Variants in RIOX2 observed in about 807,000 individuals in gnomAD.
The protein encoded by RIOX2 is 60S ribosomal protein L27a histidine hydroxylase.
RIOX2 carries 43 observed loss-of-function variants against 51.2 expected under a neutral mutation model. That is an observed-to-expected ratio of 0.84 (90% CI 0.66 to 1.08). RIOX2 has a LOEUF of 1.08. Among genes scored for constraint, RIOX2 ranks in the 50% least tolerant of loss-of-function variants. RIOX2 has a pLI of 0.00. For synonymous variants in RIOX2, 226 were observed against 218.5 expected, an observed-to-expected ratio of 1.03 and a Z score of -0.30; for missense variants, 566 against 561.7, an observed-to-expected ratio of 1.01 and a Z score of -0.08.
intron 8 of RIOX2, among the ~76,000 whole-genome samples, chr3:97,946,469 C>G (rs1275906138): frequency 2.6e-5 from 4 of 151,414 alleles, no homozygotes; most frequent in Non-Finnish European, 5.9e-5. Flanking sequence ...TTCTTTGTCA[C>G]CTCTTAGATA....
In RIOX2 at chr3:97,944,381, A is replaced by AAATT. The variant is rs905845814; in HGVS notation, c.*799_*802dup. The AAATT allele has an allele frequency of 2.7e-4, 41 of 152,450 alleles. No homozygotes were observed. Among genetic ancestry groups the AAATT allele is most frequent in the African/African-American group, 9.9e-4 (41 of 41,512 alleles). 9.4% of individuals were successfully genotyped at this position (152,450 alleles called of 1,614,324 possible). A position where few individuals can be genotyped will look rare whatever the true frequency, so the allele number is the denominator to read the frequency against. On this transcript the variant is annotated 3_prime_UTR_variant, in exon 10 of 10. Coordinates refer to ENST00000394198, the MANE Select transcript of RIOX2 (RefSeq NM_153182.4). ...ATGTTTTCCTGGTGAATTGGACTGA[A>AAATT]AATTACATTTTGACAACTTTTTTTC...
At chr3:97,946,651 C>T (rs1321872965) in intron 8 of RIOX2, among the ~76,000 whole-genome samples, 3 of 146,894 alleles carry the variant, frequency 2.0e-5, no homozygotes, top group African/African-American at 5.2e-5. Flanking sequence ...CTGGCCCTGA[C>T]GGCTGGAACA....
At position 97,945,153 on chromosome 3, in the gene RIOX2, A is replaced by G. The variant is rs769746458; in HGVS notation, c.*31T>C. On this transcript the variant is annotated 3_prime_UTR_variant, in exon 10 of 10. Transcript: ENST00000394198. ...TGCTTTTCTTTTAATATATGCATATAAAATAGTAGGCATTTGATTCTGCAA... is the reference window on the plus strand; with the variant it reads ...TGCTTTTCTTTTAATATATGCATATGAAATAGTAGGCATTTGATTCTGCAA... 1.9e-6 allele frequency: 3 copies of G among 1,574,100 alleles called. No homozygotes were observed. The highest frequency in any genetic ancestry group is 3.9e-5 in the Admixed American group (2 of 51,606).
chr3:97,953,407 G>T (rs1576000866), intron 5 of RIOX2, among the ~76,000 whole-genome samples: 2 of 151,704 alleles, frequency 1.3e-5, no homozygotes, highest in African/African-American at 4.8e-5. Context: ...CTGAGACAGG[G>T]TCTCGCTCTG....
At chr3:97,961,467 A>G (rs1230929474) in intron 3 of RIOX2, 122 bp downstream of exon 3, 2 of 1,059,042 alleles carry the variant, frequency 1.9e-6, no homozygotes, top group East Asian at 5.5e-5. Flanking sequence ...AACTGCACAG[A>G]AAGAGCGAAT....
At chr3:97,951,540 G>A (rs1705250498) in intron 5 of RIOX2, among the ~76,000 whole-genome samples, 1 of 152,154 alleles carries the variant, frequency 6.6e-6, no homozygotes, top group African/African-American at 2.4e-5. Context: ...TGGGGTATCT[G>A]GAATTGGCTC....
Position 97,942,309 on chromosome 3 carries a change from T to C in RIOX2, c.*2875A>G, listed in dbSNP as rs147784195. On this transcript the variant is annotated 3_prime_UTR_variant, in exon 10 of 10. Transcript: ENST00000394198. Reference sequence around the variant, plus strand: ...GCCAGTGATACATGTCTTGATGTGATTGGTGGCCGGGACACACCTGGAGCT... The same window carrying C: ...GCCAGTGATACATGTCTTGATGTGACTGGTGGCCGGGACACACCTGGAGCT... 17 of 1,610,714 alleles carry C rather than the reference T, an allele frequency of 1.1e-5. No homozygotes were observed. In the African/African-American group the frequency reaches 1.5e-4, roughly 14 times the overall value.
chr3:97,954,008 T>A (rs569203377), intron 5 of RIOX2: 205 of 171,404 alleles, frequency 1.2e-3, no homozygotes, highest in Non-Finnish European at 9.6e-4. Flanking sequence ...AAACTATGCT[T>A]TAAAATGGTT....
In RIOX2 at chr3:97,952,194, A is replaced by G. The variant is rs919673980; in HGVS notation, c.786-1306T>C. 15 of 1,289,698 alleles carry G rather than the reference A, an allele frequency of 1.2e-5. No homozygotes were observed. The Admixed American group carries it at 3.0e-4, about 26-fold the overall frequency. 79.9% of individuals were successfully genotyped at this position (1,289,698 alleles called of 1,614,324 possible). On this transcript the variant is annotated intron_variant, in intron 5 of 9. Coordinates refer to ENST00000394198, the MANE Select transcript of RIOX2 (RefSeq NM_153182.4). Reference sequence around the variant, plus strand: ...AGGAGCATTAGGCTCAAAACACAGGATCATTTCTGGGGAGCAATGGCCCTC... The same window carrying G: ...AGGAGCATTAGGCTCAAAACACAGGGTCATTTCTGGGGAGCAATGGCCCTC...
At chr3:97,964,068 T>C (rs1454401777) in intron 2 of RIOX2, among the ~76,000 whole-genome samples, 2 of 152,130 alleles carry the variant, frequency 1.3e-5, no homozygotes, top group Non-Finnish European at 2.9e-5. Flanking sequence ...TGTCTTCTCC[T>C]TTACCACAGG....
chr3:97,945,398 T>C, intron 9 of RIOX2, 56 bp from the exon 10 acceptor site: 1 of 1,469,154 alleles, frequency 6.8e-7, no homozygotes, highest in Non-Finnish European at 9.2e-7. Context: ...GTCATTGAAG[T>C]AGCATTTTCC....
chr3:97,961,964 A>T (rs1276579500), intron 2 of RIOX2, among the ~76,000 whole-genome samples: 1 of 152,192 alleles, frequency 6.6e-6, no homozygotes, highest in Non-Finnish European at 1.5e-5. Context: ...GGAGTCCGGA[A>T]GGCTTTTAAG....
intron 5 of RIOX2, among the ~76,000 whole-genome samples, chr3:97,953,224 C>CT (rs1705314158): frequency 6.6e-6 from 1 of 152,152 alleles, no homozygotes; most frequent in African/African-American, 2.4e-5. Context: ...AGAGTCTCCT[C>CT]TGCAAACCTA....
chr3:97,945,327 A>G lies in RIOX2; in HGVS notation c.1255T>C (p.Phe419Leu). The change falls in exon 10 of 10, where the codon TTC becomes CTC. Residue 419 changes from phenylalanine to leucine, a missense_variant. By Grantham distance (22) the Phe-to-Leu change is conservative (BLOSUM62 0). Coordinates refer to ENST00000394198, the MANE Select transcript of RIOX2 (RefSeq NM_153182.4). ...EEETEFHGLR[F>L]PLSHLDALKQ... ...AGTGCATCCAAATGTGACAAAGGGA[A>G]GCGAAGTCCATGAAACTGAAAGGAT... 1 of 1,610,866 alleles carries G rather than the reference A, an allele frequency of 6.2e-7. No individual in the cohort carries two copies. The highest frequency in any genetic ancestry group is 8.5e-7 in the Non-Finnish European group (1 of 1,178,428).
At chr3:97,957,066 G>A (rs1705476969) in intron 4 of RIOX2, among the ~76,000 whole-genome samples, 1 of 152,164 alleles carries the variant, frequency 6.6e-6, no homozygotes, top group Non-Finnish European at 1.5e-5. Context: ...CACTAGCATA[G>A]GGGAAAGAAG....
intron 4 of RIOX2, among the ~76,000 whole-genome samples, chr3:97,957,762 G>A (rs1201601914): frequency 6.6e-6 from 1 of 152,116 alleles, no homozygotes; most frequent in Non-Finnish European, 1.5e-5. Flanking sequence ...AGTACAGATG[G>A]CTTAGTCTTT....
rs149506229 is a variant in RIOX2 at position 97,947,327 on chromosome 3, G to A, written c.1149+34C>T. On this transcript the variant is annotated intron_variant, in intron 8 of 9. Transcript: ENST00000394198. ...AGGCCTCTGATGAAAAACACCCTGA[G>A]AAGACAGGAAATCTCCTCCTCTTGG... is the stretch of plus-strand genomic sequence containing the variant. 1.9e-4 allele frequency: 293 copies of A among 1,544,798 alleles called. No individual in the cohort carries two copies. The East Asian group carries it at 5.9e-3, about 31-fold the overall frequency.
chr3:97,967,160 A>G lies in RIOX2; in HGVS notation c.432+2T>C. On this transcript the variant is annotated splice_donor_variant, in intron 2 of 9. Transcript: ENST00000394198. LOFTEE classifies it high-confidence loss of function. ...GGATTCTGCAATGGGGAAACTGGTT[A>G]CCTTAAATCTCTGAGGTTGGTGAAA... is the stretch of plus-strand genomic sequence containing the variant. 6.2e-7 allele frequency: 1 copy of G among 1,610,984 alleles called. No individual in the cohort carries two copies. Among genetic ancestry groups the G allele is most frequent in the Non-Finnish European group, 8.5e-7 (1 of 1,178,340 alleles).
At chr3:97,949,103 T>A (rs1705129511) in intron 7 of RIOX2, among the ~76,000 whole-genome samples, 1 of 152,120 alleles carries the variant, frequency 6.6e-6, no homozygotes, top group Non-Finnish European at 1.5e-5. Flanking sequence ...CCCATCCAAA[T>A]CTCATGTTCA....
Sources: allele counts gnomAD v4.1 joint callset (sites outside exome capture counted in the v4.1 genomes callset), GRCh38; gene constraint gnomAD v4.1.1; transcripts MANE v1.5; gene names NCBI Gene and HGNC (gene_info 2026-07-23, HGNC 2026-07-21).